The following TMEM108 variants were observed in gnomAD, a reference collection of about 807,000 sequenced individuals.
TMEM108 encodes cancer/testis antigen 124.
Under a neutral mutation model 35.1 loss-of-function variants are expected in TMEM108, and 12 were observed. The ratio of observed to expected loss-of-function variants is 0.34; its 90% CI spans 0.22 to 0.55. The LOEUF is 0.55. TMEM108 is among the 20% of genes least tolerant of loss of function. The pLI, the probability that TMEM108 is intolerant of heterozygous loss-of-function variation, is 0.89. For missense variants in TMEM108, 680 were observed against 753.3 expected, an observed-to-expected ratio of 0.90 and a Z score of 1.14; for synonymous variants, 287 against 308.6, an observed-to-expected ratio of 0.93 and a Z score of 0.73.
intron 2 of TMEM108, among the ~76,000 whole-genome samples, chr3:133,156,063 CTTTTA>C (rs1041280647): frequency 4.0e-5 from 3 of 74,680 alleles, no homozygotes; most frequent in African/African-American, 1.7e-4. Context: ...TTTATTTTTT[CTTTTA>C]TTTATTTATT....
rs1429516668 is a variant in TMEM108, at chr3:133,354,776, A to G, written c.41-24976A>G. ...TTCACTGGTAGCAGAAGCTTGTCAC[A>G]TTCTACTTTAAATGTCATATAACCA... On this transcript the variant is annotated intron_variant, in intron 3 of 5. Transcript: ENST00000321871. 6.0e-5 allele frequency among the ~76,000 whole-genome samples: 9 copies of G among 149,878 alleles called. No homozygotes were observed. The Admixed American group carries it at 6.1e-4, about 10-fold the overall frequency.
rs560938554 is a variant in TMEM108 at position 133,078,389 on chromosome 3, C to G, written c.-47+32369C>G. Reference sequence around the variant, plus strand: ...TTACTCCCAAACAACTAGGCGGTGTCTGATACCCTTGTGGCAATCAAGTGA... The same window carrying G: ...TTACTCCCAAACAACTAGGCGGTGTGTGATACCCTTGTGGCAATCAAGTGA... On this transcript the variant is annotated intron_variant, in intron 2 of 5. Transcript: ENST00000321871. 2.0e-5 allele frequency among the ~76,000 whole-genome samples: 3 copies of G among 152,228 alleles called. No individual in the cohort carries two copies. In the South Asian group the frequency reaches 6.2e-4, roughly 32 times the overall value.
At chr3:133,168,024 G>T (rs980334146) in intron 2 of TMEM108, among the ~76,000 whole-genome samples, 2 of 152,104 alleles carry the variant, frequency 1.3e-5, no homozygotes, top group Admixed American at 1.3e-4. Context: ...TGGTATCTTA[G>T]TGCCACAGAG....
chr3:133,163,517 A>G (rs931723710), intron 2 of TMEM108, among the ~76,000 whole-genome samples: 5 of 152,302 alleles, frequency 3.3e-5, no homozygotes, highest in Admixed American at 1.3e-4. Context: ...ATTGTGGTGG[A>G]CAGCAGAGGG....
chr3:133,297,938 T>C (rs1947169246), intron 3 of TMEM108, among the ~76,000 whole-genome samples: 1 of 152,194 alleles, frequency 6.6e-6, no homozygotes, highest in South Asian at 2.1e-4. Context: ...TTGGAGATAC[T>C]TATTTCACTA....
intron 4 of TMEM108, chr3:133,388,780 C>CCTGGGCT (rs1271045504): frequency 6.1e-6 from 6 of 985,310 alleles, no homozygotes; most frequent in Non-Finnish European, 7.2e-6. Flanking sequence ...CCTACAGGGC[C>CCTGGGCT]CTGGGCTCTG....
At chr3:133,119,634 A>G (rs1490953085) in intron 2 of TMEM108, 2 of 152,224 alleles carry the variant, frequency 1.3e-5, no homozygotes, top group African/African-American at 4.8e-5. Context: ...CAAATGCCTT[A>G]CTTGCATCTA....
At chr3:133,092,990 G>GT (rs11293731) in intron 2 of TMEM108, among the ~76,000 whole-genome samples, 515 of 137,586 alleles carry the variant, frequency 3.7e-3, no homozygotes, top group Admixed American at 5.3e-3. Context: ...TGTAGGTAAA[G>GT]TTTTTTTTTT....
intron 3 of TMEM108, among the ~76,000 whole-genome samples, chr3:133,280,544 G>A (rs1408989514): frequency 6.6e-6 from 1 of 152,140 alleles, no homozygotes; most frequent in African/African-American, 2.4e-5. Context: ...GAACTAAGTA[G>A]GAAACGTAAT....
intron 3 of TMEM108, among the ~76,000 whole-genome samples, chr3:133,357,865 C>G (rs2072221336): frequency 1.3e-5 from 2 of 152,108 alleles, no homozygotes; most frequent in South Asian, 4.1e-4. Context: ...GCACTAAAAT[C>G]TCAGAATTCA....
At position 133,248,771 on chromosome 3, in the gene TMEM108, C is replaced by G. The variant is rs374868462; in HGVS notation, c.40+19420C>G. 3.2e-4 allele frequency among the ~76,000 whole-genome samples: 48 copies of G among 152,282 alleles called. 1 individual carries two copies. In the East Asian group the frequency reaches 4.6e-3, roughly 15 times the overall value. ...TTTAGCCTCATTATTTTTTGGTTAG[C>G]AGGCTCTGGTTGTGCCATCCTTATG... On this transcript the variant is annotated intron_variant, in intron 3 of 5. Transcript: ENST00000321871.
intron 3 of TMEM108, among the ~76,000 whole-genome samples, chr3:133,266,281 T>A (rs954534908): frequency 4.6e-5 from 7 of 152,170 alleles, no homozygotes; most frequent in African/African-American, 1.7e-4. Flanking sequence ...AGATATCAAA[T>A]TCATGAATAT....
rs565922626 is a variant in TMEM108 at position 133,145,910 on chromosome 3, A to G, written c.-46-83356A>G. 6.8e-4 allele frequency among the ~76,000 whole-genome samples: 104 copies of G among 152,314 alleles called. 1 individual carries two copies. The highest frequency in any genetic ancestry group is 2.1e-3 in the African/African-American group (88 of 41,558). On this transcript the variant is annotated intron_variant, in intron 2 of 5. Transcript: ENST00000321871. ...TAAATAGACAATCATGTCATCTGCA[A>G]ACAGAGACAGTTTGACTTCCTCTCT...
chr3:133,113,645 G>C (rs1196347071), intron 2 of TMEM108, among the ~76,000 whole-genome samples: 2 of 152,136 alleles, frequency 1.3e-5, no homozygotes, highest in Non-Finnish European at 2.9e-5. Flanking sequence ...AAATGGCCTT[G>C]TCAAGATGAC....
At chr3:133,386,545 C>T (rs2073153315) in intron 4 of TMEM108, 1 of 1,516,796 alleles carries the variant, frequency 6.6e-7, no homozygotes, top group African/African-American at 1.4e-5. Context: ...TGGATGACTC[C>T]CCAGTGACAT....
chr3:133,056,859 G>A (rs1361693006), intron 2 of TMEM108, among the ~76,000 whole-genome samples: 1 of 152,158 alleles, frequency 6.6e-6, no homozygotes, highest in Non-Finnish European at 1.5e-5. Flanking sequence ...CTCAGCATTT[G>A]TTTCCTTTCA....
At chr3:133,239,609 A>G (rs1161081693) in intron 3 of TMEM108, among the ~76,000 whole-genome samples, 1 of 152,156 alleles carries the variant, frequency 6.6e-6, no homozygotes, top group Non-Finnish European at 1.5e-5. Flanking sequence ...GCTTATTTAA[A>G]CACTGATCAC....
intron 3 of TMEM108, among the ~76,000 whole-genome samples, chr3:133,313,823 A>G (rs1462563644): frequency 6.6e-6 from 1 of 152,052 alleles, no homozygotes; most frequent in Non-Finnish European, 1.5e-5. Flanking sequence ...AAAGAGAGGA[A>G]CTGCTCTTCT....
At chr3:133,174,268 A>C (rs1190242013) in intron 2 of TMEM108, among the ~76,000 whole-genome samples, 1 of 152,230 alleles carries the variant, frequency 6.6e-6, no homozygotes, top group Non-Finnish European at 1.5e-5. Context: ...ATTGCCAAAC[A>C]AAAGGCAGCA....
Sources: gnomAD v4.1 joint callset for allele counts (sites outside exome capture counted in the v4.1 genomes callset) on GRCh38, gnomAD v4.1.1 for gene constraint, MANE v1.5 for transcripts, NCBI Gene and HGNC (gene_info 2026-07-23, HGNC 2026-07-21) for gene names.